The following PAK3 variants were observed in gnomAD, a reference collection of about 807,000 sequenced individuals.
PAK3 encodes p21 (RAC1) activated kinase 3, also known as serine/threonine-protein kinase PAK 3.
Under a neutral mutation model 41.0 loss-of-function variants are expected in PAK3, and 4 were observed. The observed-to-expected ratio is 0.10, with a 90% CI of 0.05 to 0.22. The LOEUF (loss-of-function observed/expected upper bound fraction) is 0.22, where lower values mean the gene tolerates loss of function less well. Among genes scored for constraint, PAK3 ranks in the 10% least tolerant of loss-of-function variants. The pLI, the probability that PAK3 is intolerant of heterozygous loss-of-function variation, is 1.00. For synonymous variants in PAK3, 146 were observed against 139.6 expected, an observed-to-expected ratio of 1.05 and a Z score of -0.32; for missense variants, 205 against 409.9, an observed-to-expected ratio of 0.50 and a Z score of 4.32.
chrX:110,982,097 A>G (rs1467308500), intron 1 of PAK3, among the ~76,000 whole-genome samples: 1 of 111,716 alleles, frequency 9.0e-6, no homozygotes, highest in Non-Finnish European at 1.9e-5. Flanking sequence ...AAAGGGAACC[A>G]TCTAGTGGAA....
intron 1 of PAK3, among the ~76,000 whole-genome samples, chrX:111,043,685 A>G (rs1016684335): frequency 3.6e-5 from 4 of 112,199 alleles, no homozygotes; most frequent in Non-Finnish European, 7.5e-5. Flanking sequence ...GAGTAAATTT[A>G]AGTTTACTAA....
At chrX:110,977,089 C>T (rs1241308281) in intron 1 of PAK3, among the ~76,000 whole-genome samples, 3 of 110,611 alleles carry the variant, frequency 2.7e-5, no homozygotes, top group Non-Finnish European at 5.7e-5. Context: ...CACATGTACC[C>T]TAGAACTTAG....
chrX:111,214,852 T>C (rs1442693597), intron 16 of PAK3, among the ~76,000 whole-genome samples: 1 of 111,784 alleles, frequency 8.9e-6, no homozygotes, highest in Non-Finnish European at 1.9e-5. Context: ...AAGGGGATGA[T>C]AATTTGCTGC....
intron 16 of PAK3, among the ~76,000 whole-genome samples, chrX:111,207,413 C>T (rs978270209): frequency 2.7e-5 from 3 of 111,236 alleles, no homozygotes; most frequent in African/African-American, 9.8e-5. Flanking sequence ...ATGACAACTA[C>T]AGTCATGTGC....
chrX:111,208,338 C>T (rs1266184307), intron 16 of PAK3, among the ~76,000 whole-genome samples: 1 of 111,668 alleles, frequency 9.0e-6, no homozygotes, highest in Non-Finnish European at 1.9e-5. Context: ...TTTAGTGTAG[C>T]CTAAGTGTAC....
chrX:111,118,164 A>G (rs982444699), intron 4 of PAK3, among the ~76,000 whole-genome samples: 1 of 112,343 alleles, frequency 8.9e-6, no homozygotes, highest in Non-Finnish European at 1.9e-5. Flanking sequence ...GTGGAAGGCT[A>G]GATGATTTTT....
chrX:111,190,552 C>T (rs756989590), intron 11 of PAK3, among the ~76,000 whole-genome samples: 5 of 111,618 alleles, frequency 4.5e-5, no homozygotes, highest in East Asian at 5.6e-4. Context: ...AAGTAACTAG[C>T]GCAAAGTCAC....
At chrX:111,163,505 C>T in intron 9 of PAK3, 57 bp from the exon 10 acceptor site, 2 of 829,388 alleles carry the variant, frequency 2.4e-6, no homozygotes, top group Non-Finnish European at 3.6e-6. Context: ...AATACATTGA[C>T]TCCACACTCT....
rs1457645799 is a variant in PAK3, at chrX:111,222,178, A to G, written c.*1731A>G. 8.9e-6 allele frequency: 1 copy of G among 112,328 alleles called. No individual in the cohort carries two copies. The highest frequency in any genetic ancestry group is 1.9e-5 in the Non-Finnish European group (1 of 53,238). 9.3% of individuals were successfully genotyped at this position (112,328 alleles called of 1,213,427 possible). ...AAGAATCTAAACAGAACTTATGTAC[A>G]TTCAGCCAGAAGGGGAAAGAGATCA... On this transcript the variant is annotated 3_prime_UTR_variant, in exon 18 of 18. Transcript: ENST00000372007.
At chrX:111,118,453 GAT>G (rs1023540827) in intron 4 of PAK3, among the ~76,000 whole-genome samples, 4 of 109,177 alleles carry the variant, frequency 3.7e-5, no homozygotes, top group African/African-American at 1.0e-4. Flanking sequence ...GTACAATTCA[GAT>G]ATATATATAT....
chrX:110,978,718 CTTTCTTTCTT>C (rs1170255521), intron 1 of PAK3, among the ~76,000 whole-genome samples: 1 of 104,911 alleles, frequency 9.5e-6, no homozygotes, highest in Non-Finnish European at 2.0e-5. Context: ...TTCTTTCTTT[CTTTCTTTCTT>C]TTTCTTTCTT....
intron 1 of PAK3, among the ~76,000 whole-genome samples, chrX:111,089,430 C>G (rs994874518): frequency 2.2e-4 from 25 of 112,113 alleles, no homozygotes; most frequent in African/African-American, 8.1e-4. Flanking sequence ...TTTTATGCTT[C>G]TAGATTTGAA....
At chrX:111,131,936 AG>A (rs1318567700) in intron 5 of PAK3, among the ~76,000 whole-genome samples, 31 of 111,950 alleles carry the variant, frequency 2.8e-4, no homozygotes, top group African/African-American at 1.0e-3. Context: ...GTTATGGCAC[AG>A]TGTGCTCTGT....
At chrX:111,138,403 T>G (rs2093822380) in intron 5 of PAK3, among the ~76,000 whole-genome samples, 1 of 110,374 alleles carries the variant, frequency 9.1e-6, no homozygotes. Flanking sequence ...GATAGAGAGG[T>G]AGATATGTAA....
At position 111,223,213 on chromosome X, in the gene PAK3, C is replaced by A. The variant is rs964743243; in HGVS notation, c.*2766C>A. The A allele has an allele frequency of 2.7e-5, 3 of 110,833 alleles. No individual in the cohort carries two copies. Among genetic ancestry groups the A allele is most frequent in the Non-Finnish European group, 3.8e-5 (2 of 53,052 alleles). 9.1% of individuals were successfully genotyped at this position (110,833 alleles called of 1,213,427 possible). On this transcript the variant is annotated 3_prime_UTR_variant, in exon 18 of 18. Transcript: ENST00000372007. ...CTAGTGTGCCCTGAGATAACGAGGGCACATCTTTCAATGTTGATTCCAAAA... is the reference window on the plus strand; with the variant it reads ...CTAGTGTGCCCTGAGATAACGAGGGAACATCTTTCAATGTTGATTCCAAAA...
chrX:111,035,255 C>T (rs2092388320), intron 1 of PAK3, among the ~76,000 whole-genome samples: 1 of 111,073 alleles, frequency 9.0e-6, no homozygotes, highest in Admixed American at 9.6e-5. Context: ...GAAAACCATC[C>T]TGAAACACAA....
At chrX:110,949,513 A>G (rs1407983280) in intron 1 of PAK3, among the ~76,000 whole-genome samples, 8 of 111,796 alleles carry the variant, frequency 7.2e-5, no homozygotes, top group Admixed American at 9.6e-5. Context: ...GGACATGTGC[A>G]TGTAATTTCA....
chrX:111,185,744 T>C (rs945058911), intron 11 of PAK3, among the ~76,000 whole-genome samples: 1 of 111,209 alleles, frequency 9.0e-6, no homozygotes, highest in African/African-American at 3.3e-5. Flanking sequence ...TTGGTACCAG[T>C]ACCATGGTGT....
chrX:111,045,658 G>A (rs2092490200), intron 1 of PAK3, among the ~76,000 whole-genome samples: 1 of 111,931 alleles, frequency 8.9e-6, no homozygotes, highest in African/African-American at 3.2e-5. Context: ...TGCATGTCTT[G>A]CCAACAGTCA....
Sources: allele counts gnomAD v4.1 joint callset (sites outside exome capture counted in the v4.1 genomes callset), GRCh38; gene constraint gnomAD v4.1.1; transcripts MANE v1.5; gene names NCBI Gene and HGNC (gene_info 2026-07-23, HGNC 2026-07-21).